Variants in BOD1L1 observed in about 807,000 individuals in gnomAD.
BOD1L1 encodes biorientation of chromosomes in cell division protein 1-like 1.
BOD1L1 carries 86 observed loss-of-function variants against 240.7 expected under a neutral mutation model. The observed-to-expected ratio is 0.36, with a 90% CI of 0.30 to 0.43. BOD1L1 has a LOEUF of 0.43. Among genes scored for constraint, BOD1L1 ranks in the 20% least tolerant of loss-of-function variants. The pLI is 1.00. For synonymous variants in BOD1L1, 1,268 were observed against 1,272.3 expected (o/e 1.00, Z 0.07); for missense variants, 3,554 against 3,643.5 (o/e 0.98, Z 0.63).
At position 13,599,781 on chromosome 4, in the gene BOD1L1, GA is replaced by G; in HGVS notation, c.7118del (p.Val2373AlafsTer6). On this transcript the variant is annotated frameshift_variant, in exon 10 of 26. Coordinates refer to ENST00000040738, the MANE Select transcript of BOD1L1 (RefSeq NM_148894.3). LOFTEE classifies it high-confidence loss of function. ...TCTCAGCAATTAGGCTGGGCATGGG[GA>G]CCTTGTGCTTGCTCACTTCTGTGGC... ...LSATEVSKHK[V>X]PMPSLIAENN... 1.2e-6 allele frequency: 2 copies of G among 1,614,020 alleles called. No homozygotes were observed. Among genetic ancestry groups the G allele is most frequent in the Non-Finnish European group, 1.7e-6 (2 of 1,179,898 alleles).
chr4:13,576,799 T>C (rs778645393), intron 25 of BOD1L1, 39 bp downstream of exon 25: 1 of 1,572,808 alleles, frequency 6.4e-7, no homozygotes. Flanking sequence ...ATGGAGAAGC[T>C]GGTGAAGGTC....
At chr4:13,572,649 C>T in intron 25 of BOD1L1, 1 of 1,253,744 alleles carries the variant, frequency 8.0e-7, no homozygotes, top group Non-Finnish European at 1.0e-6. Context: ...ATTATTGTAC[C>T]AAAAATAGTC....
chr4:13,623,464 A>G (rs1717174877), intron 1 of BOD1L1: 1 of 152,358 alleles, frequency 6.6e-6, no homozygotes, highest in South Asian at 2.1e-4. Context: ...AGTGCAAAGG[A>G]GACAGAATGG....
intron 2 of BOD1L1, among the ~76,000 whole-genome samples, chr4:13,617,858 C>T (rs1300622949): frequency 1.4e-4 from 21 of 152,192 alleles, no homozygotes; most frequent in Admixed American, 1.4e-3. Flanking sequence ...TAGTCCACCC[C>T]TATACCTTCA....
intron 2 of BOD1L1, among the ~76,000 whole-genome samples, chr4:13,617,343 A>T: frequency 6.6e-6 from 1 of 152,012 alleles, no homozygotes; most frequent in East Asian, 1.9e-4. Context: ...CTGTTTGCCT[A>T]TGTTCCAGCC....
intron 5 of BOD1L1, 67 bp from the exon 6 acceptor site, chr4:13,611,167 C>T: frequency 8.3e-7 from 1 of 1,203,686 alleles, no homozygotes; most frequent in Non-Finnish European, 1.2e-6. Context: ...TTATGCTGTA[C>T]AAGCAGTAAA....
Position 13,620,064 on chromosome 4 carries a change from C to T in BOD1L1, c.247G>A (p.Ala83Thr), listed in dbSNP as rs1454434906. ...DCLADVDTKPAYQNLRQRVDN... is the reference protein window; with the variant it reads ...DCLADVDTKPTYQNLRQRVDN... ...ACACGCTGTCTCAGATTCTGATACG[C>T]AGGCTAGAGAGAAAAAAACGAAGGT... The change falls in exon 2 of 26, where the codon GCG becomes ACG. Residue 83 changes from alanine to threonine, a missense_variant. Physicochemically the swap from Ala to Thr is moderately conservative, Grantham distance 58 (BLOSUM62 0). Coordinates refer to ENST00000040738, the MANE Select transcript of BOD1L1 (RefSeq NM_148894.3). The T allele has an allele frequency of 6.2e-7, 1 of 1,600,570 alleles. No homozygotes were observed. The highest frequency in any genetic ancestry group is 8.5e-7 in the Non-Finnish European group (1 of 1,172,738).
intron 1 of BOD1L1, chr4:13,624,051 T>C (rs1717218984): frequency 1.3e-5 from 2 of 150,632 alleles, no homozygotes; most frequent in South Asian, 4.2e-4. Context: ...AATAAGAAAA[T>C]GAAGTATAAA....
intron 9 of BOD1L1, among the ~76,000 whole-genome samples, chr4:13,606,836 T>C (rs1353358053): frequency 6.6e-6 from 1 of 152,202 alleles, no homozygotes; most frequent in East Asian, 1.9e-4. Context: ...CCTCCCTTTT[T>C]CTTTTTTTGT....
chr4:13,597,184 C>A lies in BOD1L1; in HGVS notation c.7955-16G>T. Reference sequence around the variant, plus strand: ...TCTTCATTGCCTAATAAAATTCAAGCCATTTAGTACAGTTTAAGAATTTGC... The same window carrying A: ...TCTTCATTGCCTAATAAAATTCAAGACATTTAGTACAGTTTAAGAATTTGC... On this transcript the variant is annotated splice_polypyrimidine_tract_variant and intron_variant, in intron 10 of 25. Transcript: ENST00000040738. 6.3e-7 allele frequency: 1 copy of A among 1,578,768 alleles called. No individual in the cohort carries two copies. Among genetic ancestry groups the A allele is most frequent in the Non-Finnish European group, 8.6e-7 (1 of 1,159,660 alleles).
At position 13,601,256 on chromosome 4, in the gene BOD1L1, G is replaced by C; in HGVS notation, c.5644C>G (p.His1882Asp). 1 of 1,613,918 alleles carries C rather than the reference G, an allele frequency of 6.2e-7. No homozygotes were observed. The highest frequency in any genetic ancestry group is 1.1e-5 in the South Asian group (1 of 91,082). ...TSTGRGNEIG[H>D]ASTCTGLGEE... The stretch of plus-strand genomic sequence containing the variant: ...CCTAACCCTGTACAAGTTGAAGCAT[G>C]CCCAATTTCATTTCCTCTTCCAGTA... Residue 1882 changes from histidine (H) to aspartate (D), a missense_variant, in exon 10 of 26, where the codon CAT (histidine) becomes GAT (aspartate). His to Asp is a moderately conservative substitution (Grantham distance 81). Transcript: ENST00000040738.
chr4:13,587,724 A>ATGCTGC lies in BOD1L1; in HGVS notation c.8322_8327dup (p.Gln2775_His2776insGlnGln). On this transcript the variant is annotated inframe_insertion, in exon 16 of 26. Transcript: ENST00000040738. ...CTGGTTCATCTTCTGAAGAGAGATA[A>ATGCTGC]TGCTGCTTTCTTTTTCTTTTAGGCA... 6.4e-7 allele frequency: 1 copy of ATGCTGC among 1,559,964 alleles called. No homozygotes were observed. The highest frequency in any genetic ancestry group is 8.7e-7 in the Non-Finnish European group (1 of 1,149,294).
intron 15 of BOD1L1, among the ~76,000 whole-genome samples, 182 bp from the exon 16 acceptor site, chr4:13,587,953 A>G (rs1001907060): frequency 2.0e-5 from 3 of 152,168 alleles, no homozygotes; most frequent in African/African-American, 7.2e-5. Flanking sequence ...TGGGAGGCCC[A>G]GGTGGGCGGA....
Position 13,601,855 on chromosome 4 carries a change from C to T in BOD1L1, c.5045G>A (p.Ser1682Asn), listed in dbSNP as rs1715208209. 1 of 1,613,868 alleles carries T rather than the reference C, an allele frequency of 6.2e-7. No individual in the cohort carries two copies. The highest frequency in any genetic ancestry group is 8.5e-7 in the Non-Finnish European group (1 of 1,179,902). Residue 1682 changes from serine (S) to asparagine (N), a missense_variant, in exon 10 of 26, where the codon AGT (serine) becomes AAT (asparagine). Coordinates refer to ENST00000040738, the MANE Select transcript of BOD1L1 (RefSeq NM_148894.3). ...AACTGCTCCATCACTTTCAACTTCA[C>T]TAATAAAAGTAATAGTTCCTTCAAC... Reference protein sequence around the residue: ...EIVEGTITFISEVESDGAVTS... With the variant: ...EIVEGTITFINEVESDGAVTS...
Position 13,601,257 on chromosome 4 carries a change from C to G in BOD1L1, c.5643G>C (p.Gly1881=). 6.2e-7 allele frequency: 1 copy of G among 1,613,962 alleles called. No homozygotes were observed. The highest frequency in any genetic ancestry group is 1.6e-4 in the Middle Eastern group (1 of 6,062). ...CTAACCCTGTACAAGTTGAAGCATG[C>G]CCAATTTCATTTCCTCTTCCAGTAC... ...VTSTGRGNEI[G]HASTCTGLGE... Residue 1881 remains glycine (G), a synonymous_variant, in exon 10 of 26, where the codon GGG becomes GGC. Transcript: ENST00000040738.
intron 9 of BOD1L1, 34 bp from the exon 10 acceptor site, chr4:13,605,118 A>G (rs1715589132): frequency 2.1e-6 from 3 of 1,439,034 alleles, no homozygotes; most frequent in South Asian, 1.5e-5. Context: ...TATGAGAAAT[A>G]CCAAAATCAA....
At chr4:13,598,852 C>A in intron 10 of BOD1L1, 94 bp downstream of exon 10, 1 of 1,325,468 alleles carries the variant, frequency 7.5e-7, no homozygotes, top group Non-Finnish European at 1.0e-6. Flanking sequence ...CTTTCTGGAA[C>A]CAAAACCATC....
chr4:13,596,162 C>T (rs1013180795), intron 11 of BOD1L1, among the ~76,000 whole-genome samples: 1 of 152,114 alleles, frequency 6.6e-6, no homozygotes, highest in African/African-American at 2.4e-5. Flanking sequence ...AATGGGTATT[C>T]TATTGCTTTA....
At position 13,569,901 on chromosome 4, in the gene BOD1L1, C is replaced by G. The variant is rs1454527020; in HGVS notation, c.*110G>C. The stretch of plus-strand genomic sequence containing the variant: ...GAAAAAGCTTGCACCTAGGGACTTA[C>G]AGCACATGCATATCTTTTTCCTGGT... On this transcript the variant is annotated 3_prime_UTR_variant, in exon 26 of 26. Transcript: ENST00000040738. The G allele has an allele frequency of 1.5e-6, 1 of 683,314 alleles. No homozygotes were observed. 42.3% of individuals were successfully genotyped at this position (683,314 alleles called of 1,614,324 possible). A position where few individuals can be genotyped will look rare whatever the true frequency, so the allele number is the denominator to read the frequency against.
Sources: gnomAD v4.1 joint callset for allele counts (sites outside exome capture counted in the v4.1 genomes callset) on GRCh38, gnomAD v4.1.1 for gene constraint, MANE v1.5 for transcripts, NCBI Gene and HGNC (gene_info 2026-07-23, HGNC 2026-07-21) for gene names.